PLAU: variants seen among roughly 807,000 people sequenced by gnomAD.
PLAU encodes plasminogen activator, urokinase, also known as urokinase-type plasminogen activator.
In PLAU, 32 loss-of-function variants were observed where a neutral mutation model predicts 48.9. That is an observed-to-expected ratio of 0.65 (90% CI 0.49 to 0.88). PLAU has a LOEUF of 0.88. Ranked by LOEUF, PLAU falls within the 40% of genes least tolerant of loss-of-function variation. The pLI, the probability that PLAU is intolerant of heterozygous loss-of-function variation, is 0.00. For missense variants in PLAU, 455 were observed against 545.2 expected, an observed-to-expected ratio of 0.83 and a Z score of 1.65; for synonymous variants, 199 against 205.7, an observed-to-expected ratio of 0.97 and a Z score of 0.28.
In PLAU at chr10:73,913,305, G is replaced by A. The variant is rs2096128806; in HGVS notation, c.384G>A (p.Arg128=). ...GTGTTGCCAGGAACCCAGACAACCG[G>A]AGGCGACCCTGGTGCTATGTGCAGG... is the stretch of plus-strand genomic sequence containing the variant. The part of the protein sequence containing the change: ...KHNYCRNPDN[R]RRPWCYVQVG... Residue 128 remains arginine, a synonymous_variant, in exon 6 of 11, where the codon CGG becomes CGA. Coordinates refer to ENST00000372764, the MANE Select transcript of PLAU (RefSeq NM_002658.6). 1 of 1,614,062 alleles carries A rather than the reference G, an allele frequency of 6.2e-7. No individual in the cohort carries two copies. The highest frequency in any genetic ancestry group is 8.5e-7 in the Non-Finnish European group (1 of 1,180,034).
At chr10:73,913,416 G>A (rs1214292189) in intron 6 of PLAU, 35 bp downstream of exon 6, 2 of 1,592,596 alleles carry the variant, frequency 1.3e-6, no homozygotes, top group African/African-American at 2.7e-5. Flanking sequence ...ACAGTGGGGT[G>A]GAAGGGGACA....
chr10:73,914,182 C>T, intron 8 of PLAU, 54 bp downstream of exon 8: 1 of 1,590,998 alleles, frequency 6.3e-7, no homozygotes, highest in Non-Finnish European at 8.6e-7. Context: ...GAGAGTGGGA[C>T]CCAGGGAGAG....
In PLAU at chr10:73,913,298, A is replaced by G; in HGVS notation, c.377A>G (p.Asp126Gly). ...TCTTTCTGTGTTGCCAGGAACCCAG[A>G]CAACCGGAGGCGACCCTGGTGCTAT... ...LGKHNYCRNP[D>G]NRRRPWCYVQ... The change falls in exon 6 of 11, where the codon GAC (aspartate) becomes GGC (glycine). Residue 126 changes from aspartate (D) to glycine (G), a missense_variant. Coordinates refer to ENST00000372764, the MANE Select transcript of PLAU (RefSeq NM_002658.6). 1 of 1,614,146 alleles carries G rather than the reference A, an allele frequency of 6.2e-7. No homozygotes were observed. The highest frequency in any genetic ancestry group is 1.3e-5 in the African/African-American group (1 of 75,048).
chr10:73,914,446 A>G (rs1480510067), intron 8 of PLAU, among the ~76,000 whole-genome samples: 1 of 152,236 alleles, frequency 6.6e-6, no homozygotes, highest in African/African-American at 2.4e-5. Context: ...CCTTTGTGGG[A>G]TGCAGCCTCT....
chr10:73,916,461 CGTGGAT>C lies in PLAU; in HGVS notation c.1196_1201del (p.Gly399_Cys400del). ...TTTGACTGGAATTGTGAGCTGGGGCCGTGGATGTGCCCTGAAGGACAAGCCAGGCGT... is the reference window on the plus strand; with the variant it reads ...TTTGACTGGAATTGTGAGCTGGGGCCGTGCCCTGAAGGACAAGCCAGGCGT... On this transcript the variant is annotated inframe_deletion, in exon 11 of 11. Coordinates refer to ENST00000372764, the MANE Select transcript of PLAU (RefSeq NM_002658.6). 1 of 1,613,840 alleles carries C rather than the reference CGTGGAT, an allele frequency of 6.2e-7. No homozygotes were observed. Among genetic ancestry groups the C allele is most frequent in the Non-Finnish European group, 8.5e-7 (1 of 1,179,888 alleles).
Position 73,912,827 on chromosome 10 carries a change from G to A in PLAU, c.194-97G>A, listed in dbSNP as rs2227561. On this transcript the variant is annotated intron_variant, in intron 4 of 10. Coordinates refer to ENST00000372764, the MANE Select transcript of PLAU (RefSeq NM_002658.6). ...GATCACACCACTGCACTCCAACTGG[G>A]CGACAGAGCAAGACTCCATCTCAAA... 0.013 allele frequency: 11,870 copies of A among 932,488 alleles called. 750 individuals carry two copies. The African/African-American group carries it at 0.15, about 12-fold the overall frequency. 57.8% of individuals were successfully genotyped at this position (932,488 alleles called of 1,614,324 possible). A position where few individuals can be genotyped will look rare whatever the true frequency, so the allele number is the denominator to read the frequency against.
Position 73,913,995 on chromosome 10 carries a change from G to A in PLAU, c.696G>A (p.Lys232=). The change falls in exon 8 of 11, where the codon AAG becomes AAA. Residue 232 remains lysine (K), a synonymous_variant. Coordinates refer to ENST00000372764, the MANE Select transcript of PLAU (RefSeq NM_002658.6). ...ATHCFIDYPK[K]EDYIVYLGRS... Reference sequence around the variant, plus strand: ...TCTCCCACAGTGATTACCCAAAGAAGGAGGACTACATCGTCTACCTGGGTC... The same window carrying A: ...TCTCCCACAGTGATTACCCAAAGAAAGAGGACTACATCGTCTACCTGGGTC... 1 of 1,613,798 alleles carries A rather than the reference G, an allele frequency of 6.2e-7. No individual in the cohort carries two copies. The highest frequency in any genetic ancestry group is 8.5e-7 in the Non-Finnish European group (1 of 1,179,662).
At chr10:73,915,138 G>T (rs2096133750) in intron 9 of PLAU, 113 bp from the exon 10 acceptor site, 2 of 1,209,098 alleles carry the variant, frequency 1.7e-6, no homozygotes, top group Admixed American at 2.2e-5. Context: ...AGATTTGCAT[G>T]GAAGAGAATA....
chr10:73,913,377 A>C lies in PLAU; in HGVS notation c.456A>C (p.Ala152=). 6.2e-7 allele frequency: 1 copy of C among 1,613,638 alleles called. No homozygotes were observed. Among genetic ancestry groups the C allele is most frequent in the Non-Finnish European group, 8.5e-7 (1 of 1,179,528 alleles). Reference sequence around the variant, plus strand: ...AAGAGTGCATGGTGCATGACTGCGCAGATGGTGAGCATCACTGACCTGCTG... The same window carrying C: ...AAGAGTGCATGGTGCATGACTGCGCCGATGGTGAGCATCACTGACCTGCTG... ...LVQECMVHDC[A]DGKKPSSPPE... Residue 152 remains alanine (A), a synonymous_variant, in exon 6 of 11, where the codon GCA becomes GCC. Coordinates refer to ENST00000372764, the MANE Select transcript of PLAU (RefSeq NM_002658.6).
intron 8 of PLAU, among the ~76,000 whole-genome samples, chr10:73,914,527 G>A (rs2096132175): frequency 6.6e-6 from 1 of 152,182 alleles, no homozygotes; most frequent in Non-Finnish European, 1.5e-5. Flanking sequence ...CCTCAGCTGG[G>A]AGTTTTTGCA....
intron 2 of PLAU, 137 bp downstream of exon 2, chr10:73,911,749 C>G: frequency 6.4e-7 from 1 of 1,553,014 alleles, no homozygotes; most frequent in Non-Finnish European, 8.7e-7. Flanking sequence ...GGAAATGGGA[C>G]AGGGTGGCAG....
At chr10:73,912,139 T>A in intron 3 of PLAU, 71 bp downstream of exon 3, 1 of 1,611,524 alleles carries the variant, frequency 6.2e-7, no homozygotes, top group Non-Finnish European at 8.5e-7. Flanking sequence ...ATCCCCTCCC[T>A]GCCCTCTGCT....
Position 73,911,139 on chromosome 10 carries a change from G to A in PLAU, c.-111G>A, listed in dbSNP as rs1057343956. Reference sequence around the variant, plus strand: ...GGCGCCGCGGGTCGCAGCACAGTGCGGAGACCGCAGCCCCGGAGCCCGGGC... The same window carrying A: ...GGCGCCGCGGGTCGCAGCACAGTGCAGAGACCGCAGCCCCGGAGCCCGGGC... On this transcript the variant is annotated 5_prime_UTR_variant, in exon 1 of 11. Transcript: ENST00000372764. The A allele has an allele frequency of 4.5e-6, 1 of 224,686 alleles. No individual in the cohort carries two copies. The highest frequency in any genetic ancestry group is 8.6e-6 in the Non-Finnish European group (1 of 116,276). The allele number at this position is 224,686 out of a possible 1,614,324, so 13.9% of individuals were successfully genotyped here. A position where few individuals can be genotyped will look rare whatever the true frequency, so the allele number is the denominator to read the frequency against.
upstream of PLAU, chr10:73,909,830 G>A (rs2096120843): frequency 6.6e-6 from 1 of 152,298 alleles, no homozygotes; most frequent in South Asian, 2.1e-4. Flanking sequence ...AGGGGAAAGA[G>A]ATGGGGGTGA....
chr10:73,912,545 G>T (rs1014074238), intron 4 of PLAU, among the ~76,000 whole-genome samples: 10 of 152,188 alleles, frequency 6.6e-5, no homozygotes, highest in African/African-American at 2.4e-4. Flanking sequence ...GGTCTGAAAC[G>T]ACATCTTTAA....
Position 73,911,502 on chromosome 10 carries a change from C to T in PLAU, c.-31-23C>T, listed in dbSNP as rs1028658715. The T allele has an allele frequency of 2.5e-6, 4 of 1,595,580 alleles. No homozygotes were observed. The Admixed American group carries it at 5.1e-5, about 20-fold the overall frequency. ...GCCTTCCCGTTCCTCCGCCTCTTGCCCTGACTTCTCCTTCCTTTGCAGAGC... is the reference window on the plus strand; with the variant it reads ...GCCTTCCCGTTCCTCCGCCTCTTGCTCTGACTTCTCCTTCCTTTGCAGAGC... On this transcript the variant is annotated intron_variant, in intron 1 of 10. Transcript: ENST00000372764.
chr10:73,913,510 C>T, intron 6 of PLAU, 29 bp from the exon 7 acceptor site: 6 of 1,588,654 alleles, frequency 3.8e-6, no homozygotes, highest in Non-Finnish European at 5.2e-6. Context: ...TACCTGCCTC[C>T]CTAAGACATC....
intron 2 of PLAU, 99 bp from the exon 3 acceptor site, chr10:73,911,942 A>T (rs927403748): frequency 6.2e-7 from 1 of 1,611,856 alleles, no homozygotes; most frequent in African/African-American, 1.3e-5. Context: ...CGAGAGGGAG[A>T]GGGAAGAGTG....
In PLAU at chr10:73,913,906, G is replaced by A. The variant is rs1406283633; in HGVS notation, c.681-74G>A. ...GCCTTGGGGACAAGTCGTGCTTTGA[G>A]GCCTCTAGGGAGGGAAGGAAGAAGT... On this transcript the variant is annotated intron_variant, in intron 7 of 10. Transcript: ENST00000372764. The A allele has an allele frequency of 3.4e-6, 5 of 1,490,480 alleles. No individual in the cohort carries two copies. The East Asian group carries it at 9.0e-5, about 27-fold the overall frequency. The allele number at this position is 1,490,480 out of a possible 1,614,324, so 92.3% of individuals were successfully genotyped here.
Sources: gnomAD v4.1 joint callset for allele counts (sites outside exome capture counted in the v4.1 genomes callset) on GRCh38, gnomAD v4.1.1 for gene constraint, MANE v1.5 for transcripts, NCBI Gene and HGNC (gene_info 2026-07-23, HGNC 2026-07-21) for gene names.